Variants in SYNE2 observed in about 807,000 individuals in gnomAD.
SYNE2 encodes nesprin-2.
A neutral mutation model predicts 856.3 loss-of-function variants in SYNE2; 431 were observed. That is an observed-to-expected ratio of 0.50 (90% CI 0.47 to 0.55). The LOEUF (loss-of-function observed/expected upper bound fraction) is 0.55, where lower values mean the gene tolerates loss of function less well. SYNE2 is among the 20% of genes least tolerant of loss of function. The pLI is 0.00. For synonymous variants in SYNE2, 2,923 were observed against 2,872.3 expected (o/e 1.02, Z -0.56); for missense variants, 8,129 against 8,023.2 (o/e 1.01, Z -0.50).
chr14:63,965,891 T>A (rs2096384466), intron 10 of SYNE2, among the ~76,000 whole-genome samples: 1 of 152,258 alleles, frequency 6.6e-6, no homozygotes, highest in Non-Finnish European at 1.5e-5. Flanking sequence ...CATCATTTAC[T>A]GAAAGTGTAT....
Position 64,051,577 on chromosome 14 carries a change from C to A in SYNE2, c.7664C>A (p.Thr2555Lys). Reference protein sequence around the residue: ...SLKVGPLDSVTYLDKIKKFIA... With the variant: ...SLKVGPLDSVKYLDKIKKFIA... ...TCTAGAGGACCACTGGACAGTGTAA[C>A]GTATCTGGACAAAATTAAAAAATTC... The change falls in exon 48 of 116, where the codon ACG becomes AAG. Residue 2555 changes from threonine to lysine, a missense_variant. Around this residue, in one of 3 missense-constraint regions of SYNE2, gnomAD observed 5,410 missense variants for 5,284.8 expected, o/e 1.02. Transcript: ENST00000555002. 1.9e-6 allele frequency: 3 copies of A among 1,613,158 alleles called. No homozygotes were observed. The highest frequency in any genetic ancestry group is 2.5e-6 in the Non-Finnish European group (3 of 1,179,674).
rs1351381991 is a variant in SYNE2 at position 64,048,005 on chromosome 14, A to G, written c.7227A>G (p.Ser2409=). ...AATCTTTTTATGTATTTCAGGATTC[A>G]GCTGTGGAAATGGCTATGTCAAAAC... ...LEEDWEINKD[S]AVEMAMSKQL... Residue 2409 remains serine (S), a synonymous_variant, in exon 46 of 116, where the codon TCA becomes TCG. Coordinates refer to ENST00000555002, the MANE Select transcript of SYNE2 (RefSeq NM_182914.3). The G allele has an allele frequency of 5.6e-6, 9 of 1,613,604 alleles. No individual in the cohort carries two copies. Among genetic ancestry groups the G allele is most frequent in the Non-Finnish European group, 7.6e-6 (9 of 1,179,824 alleles).
At chr14:63,788,009 C>T (rs957152878) in intron 1 of SYNE2, among the ~76,000 whole-genome samples, 12 of 152,336 alleles carry the variant, frequency 7.9e-5, no homozygotes, top group South Asian at 2.1e-4. Context: ...CCACTCTCAG[C>T]GCCCCCTTGG....
intron 97 of SYNE2, among the ~76,000 whole-genome samples, chr14:64,187,642 C>T (rs1259981641): frequency 6.6e-6 from 1 of 152,154 alleles, no homozygotes; most frequent in Non-Finnish European, 1.5e-5. Context: ...ATTTTCTCCT[C>T]CGAAAAGAGC....
At position 64,075,923 on chromosome 14, in the gene SYNE2, G is replaced by A. The variant is rs775288832; in HGVS notation, c.10867-22G>A. On this transcript the variant is annotated intron_variant, in intron 53 of 115. Transcript: ENST00000555002. ...CTTTTCCCCCAGTCTCGTGAGTATT[G>A]CAACTCTCTTAATGCTTTTAGGAGC... 32 of 1,612,838 alleles carry A rather than the reference G, an allele frequency of 2.0e-5. 1 individual carries two copies. The East Asian group carries it at 4.0e-4, about 20-fold the overall frequency.
intron 1 of SYNE2, among the ~76,000 whole-genome samples, chr14:63,792,786 C>T (rs982193384): frequency 2.0e-5 from 3 of 151,882 alleles, no homozygotes; most frequent in South Asian, 4.2e-4. Flanking sequence ...ATCACCTGAT[C>T]GTCCCACCTC....
At chr14:63,840,673 AC>A (rs1237671757) in intron 1 of SYNE2, among the ~76,000 whole-genome samples, 2 of 152,112 alleles carry the variant, frequency 1.3e-5, no homozygotes, top group African/African-American at 4.8e-5. Flanking sequence ...CATCGCCATT[AC>A]ATGAACAAGA....
chr14:64,150,321 A>AG (rs1555512154), intron 84 of SYNE2, among the ~76,000 whole-genome samples: 10 of 119,416 alleles, frequency 8.4e-5, no homozygotes, highest in Non-Finnish European at 1.2e-4. Flanking sequence ...AAAAAAAAAA[A>AG]GGATCCTCCC....
At chr14:64,129,996 A>G in intron 75 of SYNE2, 52 bp from the exon 76 acceptor site, 1 of 1,613,212 alleles carries the variant, frequency 6.2e-7, no homozygotes, top group Non-Finnish European at 8.5e-7. Flanking sequence ...TCTTTCAGTT[A>G]TTGCCCCGGT....
intron 66 of SYNE2, among the ~76,000 whole-genome samples, chr14:64,117,091 G>A (rs867482564): frequency 3.9e-5 from 6 of 152,134 alleles, no homozygotes; most frequent in African/African-American, 7.2e-5. Flanking sequence ...GCCTGAAACC[G>A]TGGATAGTAC....
chr14:63,898,866 A>T (rs760481748), intron 1 of SYNE2, among the ~76,000 whole-genome samples: 5 of 152,250 alleles, frequency 3.3e-5, no homozygotes, highest in African/African-American at 7.2e-5. Flanking sequence ...TTCAATATAC[A>T]TATAACATAA....
At chr14:63,779,560 C>A (rs1439768399) in intron 1 of SYNE2, among the ~76,000 whole-genome samples, 1 of 151,894 alleles carries the variant, frequency 6.6e-6, no homozygotes, top group Middle Eastern at 3.2e-3. Context: ...CAAGACGTCC[C>A]CTCTCAACAT....
rs751766809 is a variant in SYNE2 at position 64,107,545 on chromosome 14, C to T, written c.12547C>T (p.Pro4183Ser). Residue 4183 changes from proline to serine, a missense_variant, in exon 65 of 116, where the codon CCA becomes TCA. Transcript: ENST00000555002. ...TAATTCCATGGCACAAATCCTCACACCAGACTCACTAAACACTGAGCAAGG... is the reference window on the plus strand; with the variant it reads ...TAATTCCATGGCACAAATCCTCACATCAGACTCACTAAACACTGAGCAAGG... ...SDNSMAQILT[P>S]DSLNTEQGPE... 2.3e-5 allele frequency: 37 copies of T among 1,614,186 alleles called. No homozygotes were observed. The South Asian group carries it at 2.5e-4, about 11-fold the overall frequency.
Position 64,169,054 on chromosome 14 carries a change from C to T in SYNE2, c.17000+83C>T, listed in dbSNP as rs536722465. The T allele has an allele frequency of 3.1e-4, 336 of 1,097,716 alleles. 1 individual carries two copies. In the Middle Eastern group the frequency reaches 3.6e-3, roughly 12 times the overall value. The allele number at this position is 1,097,716 out of a possible 1,614,324, so 68.0% of individuals were successfully genotyped here. A position where few individuals can be genotyped will look rare whatever the true frequency, so the allele number is the denominator to read the frequency against. On this transcript the variant is annotated intron_variant, in intron 93 of 115. Coordinates refer to ENST00000555002, the MANE Select transcript of SYNE2 (RefSeq NM_182914.3). Reference sequence around the variant, plus strand: ...AGGGCAGGCTTTCCACCATGTGAACCTTGACCATGTTGGTGCCCTGTGCCC... The same window carrying T: ...AGGGCAGGCTTTCCACCATGTGAACTTTGACCATGTTGGTGCCCTGTGCCC...
At chr14:63,810,602 C>A (rs1024384547) in intron 1 of SYNE2, among the ~76,000 whole-genome samples, 6 of 152,042 alleles carry the variant, frequency 3.9e-5, no homozygotes, top group African/African-American at 1.4e-4. Context: ...TCAAGCAGAA[C>A]AAGAGTTAAT....
At chr14:63,895,429 C>A (rs1325917425) in intron 1 of SYNE2, among the ~76,000 whole-genome samples, 1 of 151,452 alleles carries the variant, frequency 6.6e-6, no homozygotes, top group Non-Finnish European at 1.5e-5. Context: ...TTTCTACTAC[C>A]AATTTTTTCT....
chr14:64,051,438 C>T (rs947386024), intron 47 of SYNE2, 119 bp from the exon 48 acceptor site: 2 of 954,490 alleles, frequency 2.1e-6, no homozygotes, highest in African/African-American at 1.7e-5. Context: ...TTTTTACAGA[C>T]AGCCTAATTT....
chr14:63,884,163 G>T (rs533509841), intron 1 of SYNE2, among the ~76,000 whole-genome samples: 6 of 152,288 alleles, frequency 3.9e-5, no homozygotes, highest in East Asian at 1.9e-4. Context: ...GAGAAAGCAG[G>T]CCCTGTGGTA....
rs896881892 is a variant in SYNE2, at chr14:64,025,349, T to G, written c.6180T>G (p.Ile2060Met). 1 of 1,613,978 alleles carries G rather than the reference T, an allele frequency of 6.2e-7. No individual in the cohort carries two copies. The highest frequency in any genetic ancestry group is 1.3e-5 in the African/African-American group (1 of 75,058). ...AHDVIHWIKE[I>M]KESLMVLNSS... The stretch of plus-strand genomic sequence containing the variant: ...ATGTAATTCATTGGATAAAAGAGAT[T>G]AAAGAGTCCCTTATGGTTTTGAATT... Residue 2060 changes from isoleucine (I) to methionine (M), a missense_variant, in exon 41 of 116, where the codon ATT becomes ATG. This residue lies in a region of SYNE2 where 2,422 missense variants were observed against 2,357.4 expected (regional missense o/e 1.03). Coordinates refer to ENST00000555002, the MANE Select transcript of SYNE2 (RefSeq NM_182914.3).
Sources: gnomAD v4.1 joint callset for allele counts (sites outside exome capture counted in the v4.1 genomes callset) on GRCh38, gnomAD v4.1.1 for gene constraint, gnomAD v4.1.1 regional missense constraint, MANE v1.5 for transcripts, NCBI Gene and HGNC (gene_info 2026-07-23, HGNC 2026-07-21) for gene names.